The following SEC16A variants were observed in gnomAD, a reference collection of about 807,000 sequenced individuals.
SEC16A encodes the protein protein transport protein Sec16A.
SEC16A carries 110 observed loss-of-function variants against 221.9 expected under a neutral mutation model. The observed-to-expected ratio is 0.50, with a 90% CI of 0.42 to 0.58. SEC16A has a LOEUF of 0.58. Ranked by LOEUF, SEC16A falls within the 20% of genes least tolerant of loss-of-function variation. The pLI, the probability that SEC16A is intolerant of heterozygous loss-of-function variation, is 0.00. For synonymous variants in SEC16A, 1,393 were observed against 1,257.7 expected, an observed-to-expected ratio of 1.11 and a Z score of -2.28; for missense variants, 3,165 against 3,097.8, an observed-to-expected ratio of 1.02 and a Z score of -0.52.
intron 19 of SEC16A, 26 bp downstream of exon 19, chr9:136,456,027 T>C: frequency 1.9e-6 from 3 of 1,580,498 alleles, no homozygotes; most frequent in Non-Finnish European, 2.6e-6. Flanking sequence ...CAGACGCCTC[T>C]GTGCCACCCC....
At position 136,466,348 on chromosome 9, in the gene SEC16A, G is replaced by A; in HGVS notation, c.4044C>T (p.Val1348=). 1 of 1,581,034 alleles carries A rather than the reference G, an allele frequency of 6.3e-7. No homozygotes were observed. The change falls in exon 7 of 32, where the codon GTC becomes GTT. Residue 1348 remains valine (V), a synonymous_variant. Coordinates refer to ENST00000684901, the MANE Select transcript of SEC16A (RefSeq NM_014866.2). The surrounding 1 kb of genome is among the most constrained non-coding windows in gnomAD (Gnocchi z 5.5). Reference sequence around the variant, plus strand: ...GGCTCCGTGCCGAGTGCTCGCTGTGGACGCTGCGCCGGTCCACCTCTTCCC... The same window carrying A: ...GGCTCCGTGCCGAGTGCTCGCTGTGAACGCTGCGCCGGTCCACCTCTTCCC... The part of the protein sequence containing the change: ...PYGEEVDRRS[V]HSEHSARSLH...
At chr9:136,456,323 G>C (rs1026978718) in intron 18 of SEC16A, among the ~76,000 whole-genome samples, 157 bp from the exon 19 acceptor site, 4 of 152,256 alleles carry the variant, frequency 2.6e-5, no homozygotes, top group Non-Finnish European at 5.9e-5. Context: ...GACATACACA[G>C]CACATGGGAC....
intron 19 of SEC16A, 30 bp from the exon 20 acceptor site, chr9:136,455,823 A>T: frequency 5.1e-6 from 8 of 1,559,284 alleles, no homozygotes; most frequent in Non-Finnish European, 6.9e-6. Flanking sequence ...GCCCTGTGGA[A>T]GCCGCCTGTG....
intron 22 of SEC16A, among the ~76,000 whole-genome samples, chr9:136,453,205 A>G (rs1838123190): frequency 6.6e-6 from 1 of 152,194 alleles, no homozygotes; most frequent in South Asian, 2.1e-4. Flanking sequence ...CTGTTTTTAC[A>G]CTACTGAATT....
In SEC16A at chr9:136,463,802, G is replaced by A. The variant is rs1001753094; in HGVS notation, c.4447-62C>T. 3.9e-5 allele frequency: 62 copies of A among 1,577,940 alleles called. 2 individuals are homozygous for A. The South Asian group carries it at 6.6e-4, about 17-fold the overall frequency. On this transcript the variant is annotated intron_variant, in intron 9 of 31. Coordinates refer to ENST00000684901, the MANE Select transcript of SEC16A (RefSeq NM_014866.2). ...GCGCAGCCACCCTGCTGGCAGGCCGGCCAACCCAGGCACGGATGCTGCCCG... is the reference window on the plus strand; with the variant it reads ...GCGCAGCCACCCTGCTGGCAGGCCGACCAACCCAGGCACGGATGCTGCCCG...
In SEC16A at chr9:136,476,719, T is replaced by C. The variant is rs754307022; in HGVS notation, c.897A>G (p.Glu299=). Residue 299 remains glutamate (E), a synonymous_variant, in exon 3 of 32, where the codon GAA becomes GAG. Transcript: ENST00000684901. ...GSHLANNSDP[E]STFRQNPRIV... ...TTCTGGGATTTTGCCTGAATGTACT[T>C]TCAGGATCAGAGTTATTGGCCAGGT... is the stretch of plus-strand genomic sequence containing the variant. 5.6e-6 allele frequency: 9 copies of C among 1,594,206 alleles called. No homozygotes were observed. In the East Asian group the frequency reaches 1.1e-4, roughly 20 times the overall value.
chr9:136,457,666 G>A, intron 17 of SEC16A, 82 bp from the exon 18 acceptor site: 1 of 1,488,268 alleles, frequency 6.7e-7, no homozygotes, highest in East Asian at 2.5e-5. Flanking sequence ...ACTGCCCTGA[G>A]GCTCCCCTGC....
rs746662485 is a variant in SEC16A, at chr9:136,476,777, C to G, written c.839G>C (p.Arg280Thr). 6.2e-7 allele frequency: 1 copy of G among 1,611,496 alleles called. No homozygotes were observed. Among genetic ancestry groups the G allele is most frequent in the Non-Finnish European group, 8.5e-7 (1 of 1,178,228 alleles). Reference protein sequence around the residue: ...APPAALPSDGRDEVSHLQSGS... With the variant: ...APPAALPSDGTDEVSHLQSGS... ...ACTTTGCAAGTGGCTCACCTCGTCT[C>G]TTCCGTCACTGGGCAAGGCTGCTGG... Residue 280 changes from arginine (R) to threonine (T), a missense_variant, in exon 3 of 32, where the codon AGA becomes ACA. Transcript: ENST00000684901.
intron 19 of SEC16A, 110 bp downstream of exon 19, chr9:136,455,943 C>A (rs1334443791): frequency 4.2e-6 from 5 of 1,190,500 alleles, no homozygotes; most frequent in Non-Finnish European, 6.0e-6. Context: ...CTCATAGGCA[C>A]ACGTTTGCAG....
chr9:136,448,878 G>A (rs1837407679), intron 23 of SEC16A: 1 of 704,738 alleles, frequency 1.4e-6, no homozygotes, highest in Non-Finnish European at 2.6e-6. Context: ...ACCGGGAGTT[G>A]TTTCGTTTCA....
chr9:136,453,398 C>T, intron 22 of SEC16A, 30 bp downstream of exon 22: 1 of 1,564,198 alleles, frequency 6.4e-7, no homozygotes, highest in South Asian at 1.1e-5. Context: ...TTATGGAAAA[C>T]AAACAGTTTA....
chr9:136,453,953 C>G (rs536802413), intron 21 of SEC16A, among the ~76,000 whole-genome samples, 156 bp downstream of exon 21: 1 of 152,360 alleles, frequency 6.6e-6, no homozygotes, highest in East Asian at 1.9e-4. Flanking sequence ...GACTCTGAAC[C>G]CATCCAGTCT....
chr9:136,463,267 G>A, intron 11 of SEC16A, 135 bp from the exon 12 acceptor site: 1 of 1,363,046 alleles, frequency 7.3e-7, no homozygotes, highest in Non-Finnish European at 1.0e-6. Flanking sequence ...AGGCTGGGCT[G>A]AAACCTCATC....
At position 136,476,470 on chromosome 9, in the gene SEC16A, TTC is replaced by T; in HGVS notation, c.1144_1145del (p.Glu382LysfsTer2). On this transcript the variant is annotated frameshift_variant, in exon 3 of 32. Transcript: ENST00000684901. LOFTEE classifies it high-confidence loss of function. Reference protein sequence around the residue: ...LAMFFQGGETENEENLSSEKA... With the variant: ...LAMFFQGGETXNEENLSSEKA... Reference sequence around the variant, plus strand: ...TTTCAGATGAGAGATTCTCCTCATTTTCTGTCTCTCCCCCTTGGAAAAACATC... The same window carrying T: ...TTTCAGATGAGAGATTCTCCTCATTTTGTCTCTCCCCCTTGGAAAAACATC... 1 of 1,613,192 alleles carries T rather than the reference TTC, an allele frequency of 6.2e-7. No individual in the cohort carries two copies. Among genetic ancestry groups the T allele is most frequent in the Non-Finnish European group, 8.5e-7 (1 of 1,179,794 alleles).
In SEC16A at chr9:136,472,946, G is replaced by A. The variant is rs373384517; in HGVS notation, c.3568-835C>T. ...GACAAAGGACCCGAAGTGAGGCCAC[G>A]GCTTCCCGTCGCTCTGCACCAGCCC... On this transcript the variant is annotated intron_variant, in intron 3 of 31. Coordinates refer to ENST00000684901, the MANE Select transcript of SEC16A (RefSeq NM_014866.2). 2.1e-3 allele frequency among the ~76,000 whole-genome samples: 323 copies of A among 152,350 alleles called. 1 individual carries two copies. The highest frequency in any genetic ancestry group is 3.6e-3 in the Non-Finnish European group (245 of 68,032).
At position 136,447,202 on chromosome 9, in the gene SEC16A, A is replaced by T. The variant is rs779393049; in HGVS notation, c.6697+25T>A. ...GTCAGGAGACTGGGGGCTGACCTGG[A>T]GGGGCTGGTGCTCGTGCTACCTACC... On this transcript the variant is annotated intron_variant, in intron 27 of 31. Coordinates refer to ENST00000684901, the MANE Select transcript of SEC16A (RefSeq NM_014866.2). This position sits in a 1 kb window ranked among gnomAD's most constrained non-coding sequence, Gnocchi z 5.5. 3.0e-5 allele frequency: 47 copies of T among 1,581,498 alleles called. No homozygotes were observed. In the South Asian group the frequency reaches 5.2e-4, roughly 18 times the overall value.
At position 136,463,005 on chromosome 9, in the gene SEC16A, T is replaced by C. The variant is rs1839708975; in HGVS notation, c.4775A>G (p.Glu1592Gly). 2.5e-6 allele frequency: 4 copies of C among 1,611,374 alleles called. No individual in the cohort carries two copies. Among genetic ancestry groups the C allele is most frequent in the Non-Finnish European group, 3.4e-6 (4 of 1,179,896 alleles). The change falls in exon 12 of 32, where the codon GAG becomes GGG. Residue 1592 changes from glutamate to glycine, a missense_variant. By Grantham distance (98) the Glu-to-Gly change is moderately conservative. This residue lies in a region of SEC16A where 1,088 missense variants were observed against 1,089.6 expected (regional missense o/e 1.00). Coordinates refer to ENST00000684901, the MANE Select transcript of SEC16A (RefSeq NM_014866.2). ...GAGCTGGGCCTCACCAGACTCCTCC[T>C]CTTCCACCTGCTCCACTGCCTCATT... ...FTNEAVEQVE[E>G]EESGEAQLSF...
At chr9:136,448,398 C>T in intron 23 of SEC16A, 2 of 681,672 alleles carry the variant, frequency 2.9e-6, no homozygotes, top group Non-Finnish European at 5.3e-6. Context: ...TCCACAGAGA[C>T]ACCAGGAGGA....
intron 30 of SEC16A, among the ~76,000 whole-genome samples, 173 bp downstream of exon 30, chr9:136,444,879 C>CA (rs757568383): frequency 0.086 from 5,543 of 64,536 alleles, 240 homozygotes; most frequent in African/African-American, 0.16. Flanking sequence ...AACTCCGTCT[C>CA]AAAAAAAAAA....
Sources: allele counts gnomAD v4.1 joint callset (sites outside exome capture counted in the v4.1 genomes callset), GRCh38; gene constraint gnomAD v4.1.1; regional missense constraint gnomAD v4.1.1; non-coding constraint Gnocchi (gnomAD v3.1); transcripts MANE v1.5; gene names NCBI Gene and HGNC (gene_info 2026-07-23, HGNC 2026-07-21).